The following CC2D1A variants were observed in gnomAD, a reference collection of about 807,000 sequenced individuals.
CC2D1A encodes the protein coiled-coil and C2 domain containing 1A, also known as coiled-coil and C2 domain-containing protein 1A.
Under a neutral mutation model 123.8 loss-of-function variants are expected in CC2D1A, and 68 were observed. That is an observed-to-expected ratio of 0.55 (90% confidence interval 0.45 to 0.67). The LOEUF is 0.67. Ranked by LOEUF, CC2D1A falls within the 30% of genes least tolerant of loss-of-function variation. The probability of loss-of-function intolerance (pLI) is 0.00; values close to 1 mark genes in which losing one functional copy is unlikely to be tolerated. For synonymous variants in CC2D1A, 477 were observed against 528.0 expected (o/e 0.90, Z 1.32); for missense variants, 1,185 against 1,290.3 (o/e 0.92, Z 1.25).
At chr19:13,912,237 G>A in intron 2 of CC2D1A, 86 bp from the exon 3 acceptor site, 1 of 1,402,136 alleles carries the variant, frequency 7.1e-7, no homozygotes, top group Non-Finnish European at 9.6e-7. Flanking sequence ...TCAGCGAGAA[G>A]TGGGATCACC....
At position 13,906,414 on chromosome 19, in the gene CC2D1A, C is replaced by CA; in HGVS notation, c.-27dup. ...GGCAGGGCAAGGCCGGGCTTGGGGGCAGGTGGTCCGGGCATCCAGCCTTGA... is the reference window on the plus strand; with the variant it reads ...GGCAGGGCAAGGCCGGGCTTGGGGGCAAGGTGGTCCGGGCATCCAGCCTTGA... On this transcript the variant is annotated 5_prime_UTR_variant, in exon 1 of 29. Coordinates refer to ENST00000318003, the MANE Select transcript of CC2D1A (RefSeq NM_017721.5). The surrounding 1 kb of genome is among the most constrained non-coding windows in gnomAD (Gnocchi z 4.1). 1 of 1,505,346 alleles carries CA rather than the reference C, an allele frequency of 6.6e-7. No individual in the cohort carries two copies. Among genetic ancestry groups the CA allele is most frequent in the Middle Eastern group, 1.8e-4 (1 of 5,442 alleles). The allele number at this position is 1,505,346 out of a possible 1,614,324, so 93.2% of individuals were successfully genotyped here. A position where few individuals can be genotyped will look rare whatever the true frequency, so the allele number is the denominator to read the frequency against.
rs772357873 is a variant in CC2D1A, at chr19:13,918,465, A to G, written c.874-39A>G. The G allele has an allele frequency of 3.1e-5, 49 of 1,593,942 alleles. No homozygotes were observed. The East Asian group carries it at 7.6e-4, about 25-fold the overall frequency. On this transcript the variant is annotated intron_variant, in intron 7 of 28. Coordinates refer to ENST00000318003, the MANE Select transcript of CC2D1A (RefSeq NM_017721.5). ...GCTCCCCACAGGGTCCAAGCCCCCA[A>G]CTGCACCTCTTCTTCTAATCTCCTC...
In CC2D1A at chr19:13,918,793, C is replaced by T; in HGVS notation, c.994C>T (p.Pro332Ser). The T allele has an allele frequency of 6.2e-7, 1 of 1,613,504 alleles. No homozygotes were observed. The highest frequency in any genetic ancestry group is 1.1e-5 in the South Asian group (1 of 90,996). Residue 332 changes from proline to serine, a missense_variant, in exon 9 of 29, where the codon CCC (proline) becomes TCC (serine). Pro to Ser is a moderately conservative substitution (Grantham distance 74). Transcript: ENST00000318003. ...GTCACCACCGTCGCAGCCTCCGACC[C>T]CCGCTACGGCGCCCTCCACAACAGG... Reference protein sequence around the residue: ...PPSPPSQPPTPATAPSTTEVP... With the variant: ...PPSPPSQPPTSATAPSTTEVP...
chr19:13,909,845 C>T lies in CC2D1A; in HGVS notation c.83C>T (p.Ser28Phe). Residue 28 changes from serine to phenylalanine, a missense_variant, in exon 2 of 29, where the codon TCC becomes TTC. Coordinates refer to ENST00000318003, the MANE Select transcript of CC2D1A (RefSeq NM_017721.5). ...TAGCTGGGCCTGCTGGTTGACCTCTCCCCAGATGGCCTGATGATCCCTGAG... is the reference window on the plus strand; with the variant it reads ...TAGCTGGGCCTGCTGGTTGACCTCTTCCCAGATGGCCTGATGATCCCTGAG... ...ARQLGLLVDL[S>F]PDGLMIPEDG... 1 of 1,582,668 alleles carries T rather than the reference C, an allele frequency of 6.3e-7. No homozygotes were observed. The highest frequency in any genetic ancestry group is 8.6e-7 in the Non-Finnish European group (1 of 1,160,870).
rs139825406 is a variant in CC2D1A at position 13,922,531 on chromosome 19, C to A, written c.1642-802C>A. On this transcript the variant is annotated intron_variant, in intron 14 of 28. Transcript: ENST00000318003. ...AGCTGTCTAAAATCCCTCCCTGTCA[C>A]CCAGATCCCTCTGCTCCTCCTCCCA... Among the ~76,000 whole-genome samples the A allele has an allele frequency of 1.6e-4, 25 of 152,336 alleles. 1 individual carries two copies. The East Asian group carries it at 4.8e-3, about 29-fold the overall frequency.
chr19:13,930,810 G>T lies in CC2D1A; in HGVS notation c.*415G>T, dbSNP rs1971884231. ...CTGGCCGAGCCACACTGTCTCCCCAGGGGCGTCGACCTGGCCCAGCTGGGT... is the reference window on the plus strand; with the variant it reads ...CTGGCCGAGCCACACTGTCTCCCCATGGGCGTCGACCTGGCCCAGCTGGGT... On this transcript the variant is annotated 3_prime_UTR_variant, in exon 29 of 29. Coordinates refer to ENST00000318003, the MANE Select transcript of CC2D1A (RefSeq NM_017721.5). This position sits in a 1 kb window ranked among gnomAD's most constrained non-coding sequence, Gnocchi z 6.8. 8.6e-6 allele frequency: 2 copies of T among 233,672 alleles called. No homozygotes were observed. 14.5% of individuals were successfully genotyped at this position (233,672 alleles called of 1,614,324 possible).
chr19:13,930,170 G>A lies in CC2D1A; in HGVS notation c.2787+16G>A. ...TGGCAGCAGGGTGAGCTGGTCGCGG[G>A]CCGGGTGGGCACTGGGCAGCGGGCA... On this transcript the variant is annotated intron_variant, in intron 27 of 28. Transcript: ENST00000318003. The surrounding 1 kb of genome is among the most constrained non-coding windows in gnomAD (Gnocchi z 6.8). 2 of 1,613,310 alleles carry A rather than the reference G, an allele frequency of 1.2e-6. No individual in the cohort carries two copies. Among genetic ancestry groups the A allele is most frequent in the Non-Finnish European group, 1.7e-6 (2 of 1,179,638 alleles).
intron 17 of CC2D1A, among the ~76,000 whole-genome samples, chr19:13,926,032 A>ATATATATACACATATATGTGTGTG (rs1568418953): frequency 1.1e-5 from 1 of 88,354 alleles, no homozygotes; most frequent in African/African-American, 7.4e-5. Context: ...ATATGTGTAT[A>ATATATATACACATATATGTGTGTG]TATATATATA....
rs187418052 is a variant in CC2D1A at position 13,928,164 on chromosome 19, C to G, written c.2495C>G (p.Ala832Gly). The G allele has an allele frequency of 4.0e-5, 64 of 1,613,560 alleles. No individual in the cohort carries two copies. The African/African-American group carries it at 8.3e-4, about 21-fold the overall frequency. The part of the protein sequence containing the change: ...GPKGKAPPVP[A>G]PARESGNRSA... ...AAAGGGAAGGCCCCTCCTGTGCCTG[C>G]CCCTGCAAGGGAGTCAGGGAACAGG... Residue 832 changes from alanine (A) to glycine (G), a missense_variant, in exon 24 of 29, where the codon GCC (alanine) becomes GGC (glycine). By Grantham distance (60) the Ala-to-Gly change is moderately conservative. Coordinates refer to ENST00000318003, the MANE Select transcript of CC2D1A (RefSeq NM_017721.5).
At chr19:13,919,254 C>T (rs1463569342) in intron 11 of CC2D1A, 52 bp downstream of exon 11, 2 of 1,435,866 alleles carry the variant, frequency 1.4e-6, no homozygotes, top group Non-Finnish European at 9.4e-7. Context: ...CCCCGTAGGC[C>T]CCGCCCCCAG....
intron 17 of CC2D1A, among the ~76,000 whole-genome samples, chr19:13,924,835 C>T (rs1410011898): frequency 6.6e-6 from 1 of 152,010 alleles, no homozygotes; most frequent in Non-Finnish European, 1.5e-5. Context: ...TTGGGATAAC[C>T]CCCACCCCTT....
In CC2D1A at chr19:13,913,255, C is replaced by G. The variant is rs1481794424; in HGVS notation, c.466C>G (p.Gln156Glu). Residue 156 changes from glutamine to glutamate, a missense_variant, in exon 5 of 29, where the codon CAA becomes GAA. Gln to Glu is a conservative substitution (Grantham distance 29). Transcript: ENST00000318003. ...TCAGACAGCAATTGAAAGCGCCAGACAAGCTGGAGACAGCGCCAAGATGCG... is the reference window on the plus strand; with the variant it reads ...TCAGACAGCAATTGAAAGCGCCAGAGAAGCTGGAGACAGCGCCAAGATGCG... ...LYQTAIESAR[Q>E]AGDSAKMRRY... 2.5e-6 allele frequency: 4 copies of G among 1,613,768 alleles called. 1 individual carries two copies. The highest frequency in any genetic ancestry group is 2.2e-5 in the East Asian group (1 of 44,864).
intron 7 of CC2D1A, 134 bp from the exon 8 acceptor site, chr19:13,918,370 G>C: frequency 8.8e-7 from 1 of 1,131,644 alleles, no homozygotes. Context: ...TGTTGGAAGA[G>C]GATTAAGCAA....
rs2290664 is a variant in CC2D1A at position 13,930,558 on chromosome 19, G to A, written c.*163G>A. On this transcript the variant is annotated 3_prime_UTR_variant, in exon 29 of 29. Transcript: ENST00000318003. The surrounding 1 kb of genome is among the most constrained non-coding windows in gnomAD (Gnocchi z 6.8). The stretch of plus-strand genomic sequence containing the variant: ...GCCCCGCCAGAGCCTCCGTGGCTGC[G>A]GGTGTTGGGAACCATGCCTGCCAGC... 19 of 774,752 alleles carry A rather than the reference G, an allele frequency of 2.5e-5. No homozygotes were observed. Among genetic ancestry groups the A allele is most frequent in the Admixed American group, 2.0e-4 (7 of 34,300 alleles). 48.0% of individuals were successfully genotyped at this position (774,752 alleles called of 1,614,324 possible).
At chr19:13,929,904 G>C (rs1971825343) in intron 26 of CC2D1A, among the ~76,000 whole-genome samples, 174 bp from the exon 27 acceptor site, 1 of 100,296 alleles carries the variant, frequency 1.0e-5, no homozygotes, top group African/African-American at 3.9e-5. Context: ...GAGGGGGAGG[G>C]GCTCGGGGAT....
chr19:13,922,422 T>C (rs867983274), intron 14 of CC2D1A, among the ~76,000 whole-genome samples: 1 of 152,208 alleles, frequency 6.6e-6, no homozygotes, highest in South Asian at 2.1e-4. Flanking sequence ...GCCTGAATGC[T>C]TTTCCCACAG....
Position 13,930,442 on chromosome 19 carries a change from G to A in CC2D1A, c.*47G>A, listed in dbSNP as rs754688273. The A allele has an allele frequency of 4.2e-5, 66 of 1,553,822 alleles. No homozygotes were observed. The highest frequency in any genetic ancestry group is 6.9e-5 in the East Asian group (3 of 43,752). ...CCCCAGAAAGCGGGCAGCAGGCCCC[G>A]ATACCGGGAAGAGCCGACACAGCCA... On this transcript the variant is annotated 3_prime_UTR_variant, in exon 29 of 29. Coordinates refer to ENST00000318003, the MANE Select transcript of CC2D1A (RefSeq NM_017721.5). This position sits in a 1 kb window ranked among gnomAD's most constrained non-coding sequence, Gnocchi z 6.8.
In CC2D1A at chr19:13,930,493, G is replaced by A. The variant is rs576607577; in HGVS notation, c.*98G>A. On this transcript the variant is annotated 3_prime_UTR_variant, in exon 29 of 29. Coordinates refer to ENST00000318003, the MANE Select transcript of CC2D1A (RefSeq NM_017721.5). This position sits in a 1 kb window ranked among gnomAD's most constrained non-coding sequence, Gnocchi z 6.8. ...CGAACCAGACAAGCAGACAATCAGCGGACAATCGGTTCTGGACTCACCCCT... is the reference window on the plus strand; with the variant it reads ...CGAACCAGACAAGCAGACAATCAGCAGACAATCGGTTCTGGACTCACCCCT... 5.2e-5 allele frequency: 72 copies of A among 1,371,596 alleles called. No homozygotes were observed. The highest frequency in any genetic ancestry group is 6.9e-5 in the Non-Finnish European group (71 of 1,023,692). The allele number at this position is 1,371,596 out of a possible 1,614,324, so 85.0% of individuals were successfully genotyped here. A position where few individuals can be genotyped will look rare whatever the true frequency, so the allele number is the denominator to read the frequency against.
At chr19:13,919,272 G>A (rs932398351) in intron 11 of CC2D1A, 70 bp downstream of exon 11, 26 of 1,219,278 alleles carry the variant, frequency 2.1e-5, no homozygotes, top group Non-Finnish European at 2.7e-5. Context: ...CAGAGGCCCC[G>A]CCGCTGGCAG....
Sources: allele counts gnomAD v4.1 joint callset (sites outside exome capture counted in the v4.1 genomes callset), GRCh38; gene constraint gnomAD v4.1.1; non-coding constraint Gnocchi (gnomAD v3.1); transcripts MANE v1.5; gene names NCBI Gene and HGNC (gene_info 2026-07-23, HGNC 2026-07-21).